The following GAD2 variants were observed in gnomAD, a reference collection of about 807,000 sequenced individuals.
GAD2 encodes the protein 65 kDa glutamic acid decarboxylase.
Under a neutral mutation model 80.1 loss-of-function variants are expected in GAD2, and 22 were observed. That is an observed-to-expected ratio of 0.27 (90% CI 0.20 to 0.39). The LOEUF is 0.39. Among genes scored for constraint, GAD2 ranks in the 10% least tolerant of loss-of-function variants. The probability of loss-of-function intolerance (pLI) is 1.00; values close to 1 mark genes in which losing one functional copy is unlikely to be tolerated. For synonymous variants in GAD2, 274 were observed against 256.9 expected (o/e 1.07, Z -0.64); for missense variants, 624 against 738.4 (o/e 0.85, Z 1.80).
intron 15 of GAD2, among the ~76,000 whole-genome samples, chr10:26,297,936 T>A (rs1834292694): frequency 6.6e-6 from 1 of 152,206 alleles, no homozygotes; most frequent in African/African-American, 2.4e-5. Flanking sequence ...CCATGTTTAC[T>A]TCGGGGCAGG....
chr10:26,284,119 T>A (rs951986270), intron 12 of GAD2, among the ~76,000 whole-genome samples: 2 of 152,198 alleles, frequency 1.3e-5, no homozygotes, highest in African/African-American at 2.4e-5. Flanking sequence ...CTAAATTCCC[T>A]TACAAATCCA....
chr10:26,269,905 A>G (rs1564667374), intron 9 of GAD2, among the ~76,000 whole-genome samples: 1 of 152,194 alleles, frequency 6.6e-6, no homozygotes, highest in Non-Finnish European at 1.5e-5. Context: ...TGCAAGTACT[A>G]GAACTACTTC....
intron 11 of GAD2, among the ~76,000 whole-genome samples, chr10:26,279,131 C>T (rs1845244536): frequency 6.6e-6 from 1 of 152,102 alleles, no homozygotes; most frequent in African/African-American, 2.4e-5. Flanking sequence ...TCACCTTACC[C>T]AGTAAATGTG....
intron 11 of GAD2, among the ~76,000 whole-genome samples, chr10:26,278,751 C>T (rs554762317): frequency 6.6e-6 from 1 of 152,040 alleles, no homozygotes; most frequent in African/African-American, 2.4e-5. Context: ...CAATTCCAGT[C>T]GTAAATGTAT....
intron 12 of GAD2, among the ~76,000 whole-genome samples, chr10:26,282,860 T>G (rs1266540632): frequency 6.6e-6 from 1 of 152,210 alleles, no homozygotes; most frequent in Non-Finnish European, 1.5e-5. Flanking sequence ...AGACAGCAAC[T>G]TCCCCTCAAA....
At chr10:26,229,071 G>GTGGTCC (rs1435099503) in intron 6 of GAD2, among the ~76,000 whole-genome samples, 1 of 152,104 alleles carries the variant, frequency 6.6e-6, no homozygotes, top group Admixed American at 6.5e-5. Flanking sequence ...GTGCATGCCT[G>GTGGTCC]TGGTCCCAGC....
chr10:26,218,065 C>G, intron 3 of GAD2, 74 bp downstream of exon 3: 1 of 1,475,760 alleles, frequency 6.8e-7, no homozygotes, highest in Non-Finnish European at 9.1e-7. Context: ...CGGTGCGGGT[C>G]CGGCGCTGAG....
Position 26,223,987 on chromosome 10 carries a change from C to G in GAD2, c.611+10C>G. On this transcript the variant is annotated intron_variant, in intron 5 of 15. Transcript: ENST00000376261. ...CAGCAAATACTAACATGTAAGTAGC[C>G]AAATGTGTTTTTATGTAATTTAGGA... 9 of 1,572,552 alleles carry G rather than the reference C, an allele frequency of 5.7e-6. No homozygotes were observed. The highest frequency in any genetic ancestry group is 7.9e-6 in the Non-Finnish European group (9 of 1,143,670).
chr10:26,292,367 G>A (rs1224137191), intron 13 of GAD2, 98 bp from the exon 14 acceptor site: 1 of 868,646 alleles, frequency 1.2e-6, no homozygotes, highest in Non-Finnish European at 1.9e-6. Flanking sequence ...GCCAGACGGG[G>A]CTAAGACAGA....
Position 26,286,379 on chromosome 10 carries a change from C to G in GAD2, c.1271C>G (p.Ser424Cys), listed in dbSNP as rs2132315897. 1 of 1,613,928 alleles carries G rather than the reference C, an allele frequency of 6.2e-7. No individual in the cohort carries two copies. The highest frequency in any genetic ancestry group is 1.3e-5 in the African/African-American group (1 of 75,030). ...LMQNCNQMHASYLFQQDKHYD... is the reference protein window; with the variant it reads ...LMQNCNQMHACYLFQQDKHYD... ...CAGAATTGCAACCAAATGCATGCCT[C>G]CTACCTCTTTCAGCAAGATAAACAT... is the stretch of plus-strand genomic sequence containing the variant. The change falls in exon 13 of 16, where the codon TCC (serine) becomes TGC (cysteine). Residue 424 changes from serine to cysteine, a missense_variant. Transcript: ENST00000376261.
At chr10:26,218,551 T>TCTCACACACACACACACACA (rs748110324) in intron 3 of GAD2, among the ~76,000 whole-genome samples, 66 of 118,854 alleles carry the variant, frequency 5.6e-4, no homozygotes, top group East Asian at 4.4e-3. Context: ...TCTCTCTCTC[T>TCTCACACACACACACACACA]CACACACACA....
At position 26,300,826 on chromosome 10, in the gene GAD2, A is replaced by T. The variant is rs906003676; in HGVS notation, c.1623A>T (p.Gly541=). 1 of 1,613,734 alleles carries T rather than the reference A, an allele frequency of 6.2e-7. No homozygotes were observed. Among genetic ancestry groups the T allele is most frequent in the African/African-American group, 1.3e-5 (1 of 74,908 alleles). The change falls in exon 16 of 16, where the codon GGA becomes GGT. Residue 541 remains glycine (G), a synonymous_variant. Coordinates refer to ENST00000376261, the MANE Select transcript of GAD2 (RefSeq NM_001134366.2). Reference sequence around the variant, plus strand: ...TTAAAGCCAGAATGATGGAGTATGGAACCACAATGGTCAGCTACCAACCCT... The same window carrying T: ...TTAAAGCCAGAATGATGGAGTATGGTACCACAATGGTCAGCTACCAACCCT... ...PVIKARMMEY[G]TTMVSYQPLG...
intron 11 of GAD2, among the ~76,000 whole-genome samples, chr10:26,275,438 C>T (rs1234314109): frequency 1.3e-5 from 2 of 152,198 alleles, no homozygotes; most frequent in Admixed American, 1.3e-4. Context: ...AAGCTTAGAA[C>T]GTTCATCAGG....
intron 4 of GAD2, 83 bp from the exon 5 acceptor site, chr10:26,223,804 C>A: frequency 2.3e-6 from 2 of 864,726 alleles, no homozygotes; most frequent in Non-Finnish European, 3.8e-6. Flanking sequence ...CTTTCAAGGT[C>A]CTTTAGCTAG....
At chr10:26,293,287 C>T (rs1485557663) in intron 15 of GAD2, among the ~76,000 whole-genome samples, 1 of 147,190 alleles carries the variant, frequency 6.8e-6, no homozygotes, top group East Asian at 2.1e-4. Flanking sequence ...AAGCGATTCT[C>T]CTGCCTCAGC....
At chr10:26,258,901 C>A (rs891362434) in intron 8 of GAD2, among the ~76,000 whole-genome samples, 1 of 151,814 alleles carries the variant, frequency 6.6e-6, no homozygotes, top group Non-Finnish European at 1.5e-5. Context: ...GCAACTTTTG[C>A]CTTCCAGGTT....
At chr10:26,243,808 T>G (rs924985945) in intron 7 of GAD2, among the ~76,000 whole-genome samples, 2 of 152,230 alleles carry the variant, frequency 1.3e-5, no homozygotes, top group African/African-American at 4.8e-5. Context: ...TCCTCTTACC[T>G]GAGTTTACTG....
In GAD2 at chr10:26,300,935, A is replaced by G; in HGVS notation, c.1732A>G (p.Ile578Val). 6.2e-7 allele frequency: 1 copy of G among 1,613,992 alleles called. No homozygotes were observed. The highest frequency in any genetic ancestry group is 8.5e-7 in the Non-Finnish European group (1 of 1,179,866). Reference protein sequence around the residue: ...HQDIDFLIEEIERLGQDL With the variant: ...HQDIDFLIEEVERLGQDL ...AGACATTGACTTCCTGATTGAAGAA[A>G]TAGAACGCCTTGGACAAGATTTATA... The change falls in exon 16 of 16, where the codon ATA becomes GTA. Residue 578 changes from isoleucine to valine, a missense_variant. Ile to Val is a conservative substitution (Grantham distance 29). Transcript: ENST00000376261.
At chr10:26,224,454 A>G in intron 5 of GAD2, 85 bp from the exon 6 acceptor site, 2 of 843,456 alleles carry the variant, frequency 2.4e-6, no homozygotes, top group African/African-American at 1.7e-5. Context: ...GTTTTGAAAA[A>G]GGAAATAGTT....
Sources: allele counts gnomAD v4.1 joint callset (sites outside exome capture counted in the v4.1 genomes callset), GRCh38; gene constraint gnomAD v4.1.1; transcripts MANE v1.5; gene names NCBI Gene and HGNC (gene_info 2026-07-23, HGNC 2026-07-21).